JAK2: variants seen among roughly 807,000 people sequenced by gnomAD.
JAK2 encodes the protein Janus kinase 2.
A neutral mutation model predicts 139.3 loss-of-function variants in JAK2; 86 were observed. The ratio of observed to expected loss-of-function variants is 0.62; its 90% confidence interval spans 0.52 to 0.74. The LOEUF (loss-of-function observed/expected upper bound fraction) is 0.74. Ranked by LOEUF, JAK2 falls within the 30% of genes least tolerant of loss-of-function variation. JAK2 has a pLI of 0.00. For missense variants in JAK2, 1,421 were observed against 1,360.3 expected (o/e 1.04, Z -0.70); for synonymous variants, 490 against 437.7 (o/e 1.12, Z -1.49).
intron 22 of JAK2, among the ~76,000 whole-genome samples, chr9:5,107,726 A>G (rs1195560299): frequency 6.6e-6 from 1 of 152,146 alleles, no homozygotes; most frequent in East Asian, 1.9e-4. Context: ...TATCATCCCT[A>G]TGTGCCTAGA....
intron 4 of JAK2, among the ~76,000 whole-genome samples, chr9:5,031,771 G>A (rs937218430): frequency 1.3e-5 from 2 of 152,218 alleles, no homozygotes; most frequent in Non-Finnish European, 2.9e-5. Flanking sequence ...TGAAAAGGCA[G>A]GAGGGTGGAG....
At chr9:4,989,833 TAAG>T (rs1399556150) in intron 2 of JAK2, among the ~76,000 whole-genome samples, 10 of 152,292 alleles carry the variant, frequency 6.6e-5, no homozygotes, top group Non-Finnish European at 8.8e-5. Context: ...GAAAGAGTAG[TAAG>T]AAATTGTGTT....
chr9:5,080,111 C>T (rs952559052), intron 16 of JAK2, 118 bp from the exon 17 acceptor site: 1 of 821,420 alleles, frequency 1.2e-6, no homozygotes, highest in African/African-American at 1.7e-5. Context: ...CCAACCCCTC[C>T]AAAATAAAGA....
At chr9:5,004,490 A>G (rs1442384140) in intron 2 of JAK2, among the ~76,000 whole-genome samples, 1 of 152,068 alleles carries the variant, frequency 6.6e-6, no homozygotes, top group African/African-American at 2.4e-5. Flanking sequence ...AGGCTGAATT[A>G]TATTCTATTG....
At chr9:5,110,892 T>C (rs1357498761) in intron 22 of JAK2, 1 of 540,304 alleles carries the variant, frequency 1.9e-6, no homozygotes. Flanking sequence ...ATGTCTGAGA[T>C]GCCCGCTCTG....
At chr9:5,039,272 A>G (rs1181466944) in intron 4 of JAK2, among the ~76,000 whole-genome samples, 1 of 152,142 alleles carries the variant, frequency 6.6e-6, no homozygotes, top group Admixed American at 6.5e-5. Context: ...CCAACTGCAG[A>G]TTGAAAATAC....
chr9:5,020,392 A>G (rs1490337364), intron 2 of JAK2, among the ~76,000 whole-genome samples: 2 of 152,134 alleles, frequency 1.3e-5, no homozygotes, highest in African/African-American at 2.4e-5. Flanking sequence ...GCAGGGTGAG[A>G]GTATCCTCAG....
chr9:5,111,795 C>G (rs971456302), intron 22 of JAK2: 1 of 422,268 alleles, frequency 2.4e-6, no homozygotes, highest in Admixed American at 2.7e-5. Flanking sequence ...TTCTCCTTGG[C>G]CCCCGGAGCC....
At chr9:5,068,111 G>C (rs1045109183) in intron 10 of JAK2, among the ~76,000 whole-genome samples, 5 of 150,044 alleles carry the variant, frequency 3.3e-5, no homozygotes, top group Non-Finnish European at 7.4e-5. Context: ...AGTGAGTCAA[G>C]ATTGTGCCAC....
intron 7 of JAK2, among the ~76,000 whole-genome samples, chr9:5,055,162 C>T (rs1221919989): frequency 2.0e-5 from 3 of 151,808 alleles, no homozygotes; most frequent in African/African-American, 4.8e-5. Context: ...AGGAGTTTTG[C>T]CTTTCACTAC....
Position 5,032,069 on chromosome 9 carries a change from C to T in JAK2, c.350+2163C>T, listed in dbSNP as rs923371376. ...TCGGGTCACTCCCACTCTAATACTG[C>T]GCTATTCTAACGGTATTAGCAAATG... On this transcript the variant is annotated intron_variant, in intron 4 of 24. Coordinates refer to ENST00000381652, the MANE Select transcript of JAK2 (RefSeq NM_004972.4). Among the ~76,000 whole-genome samples the T allele has an allele frequency of 1.4e-4, 21 of 152,362 alleles. No individual in the cohort carries two copies. In the Middle Eastern group the frequency reaches 0.017, roughly 123 times the overall value.
intron 8 of JAK2, among the ~76,000 whole-genome samples, chr9:5,060,389 G>C (rs936542691): frequency 6.6e-6 from 1 of 152,148 alleles, no homozygotes; most frequent in Non-Finnish European, 1.5e-5. Context: ...ACCCACAGTA[G>C]AATTTCTTTA....
At chr9:5,111,341 G>C in intron 22 of JAK2, 1 of 423,362 alleles carries the variant, frequency 2.4e-6, no homozygotes, top group Non-Finnish European at 4.6e-6. Flanking sequence ...CAGGCATGAA[G>C]GGGACCTCCC....
At chr9:4,991,559 A>G (rs1444670545) in intron 2 of JAK2, among the ~76,000 whole-genome samples, 2 of 152,214 alleles carry the variant, frequency 1.3e-5, no homozygotes, top group Non-Finnish European at 2.9e-5. Flanking sequence ...AGTCTTGTCT[A>G]TTGAGGGAAT....
chr9:5,038,470 A>G (rs980094600), intron 4 of JAK2, among the ~76,000 whole-genome samples: 1 of 152,204 alleles, frequency 6.6e-6, no homozygotes, highest in African/African-American at 2.4e-5. Flanking sequence ...TGTCTAGAAG[A>G]AAAGAAAACT....
chr9:4,986,322 A>G (rs1243526359), intron 2 of JAK2, among the ~76,000 whole-genome samples: 1 of 152,232 alleles, frequency 6.6e-6, no homozygotes, highest in East Asian at 1.9e-4. Context: ...GAGATTCTTA[A>G]TCCTTTAAAG....
chr9:5,098,538 A>G (rs958606484), intron 22 of JAK2: 11 of 152,206 alleles, frequency 7.2e-5, no homozygotes, highest in African/African-American at 2.2e-4. Context: ...TGTTTGAACT[A>G]TCTTACCTGC....
rs1256899616 is a variant in JAK2 at position 5,022,038 on chromosome 9, T to G, written c.51T>G (p.Ser17=). Residue 17 remains serine, a synonymous_variant, in exon 3 of 25, where the codon TCT becomes TCG. Transcript: ENST00000381652. ...TMTEMEGTST[S]SIYQNGDISG... ...CAGAAATGGAGGGAACATCCACCTC[T>G]TCTATATATCAGAATGGTGATATTT... The G allele has an allele frequency of 1.2e-6, 2 of 1,614,204 alleles. No individual in the cohort carries two copies. Among genetic ancestry groups the G allele is most frequent in the African/African-American group, 2.7e-5 (2 of 75,062 alleles).
At chr9:5,112,593 T>C in intron 22 of JAK2, 1 of 773,900 alleles carries the variant, frequency 1.3e-6, no homozygotes. Flanking sequence ...AAGAGGGCTC[T>C]TAAGGAGCTG....
Sources: allele counts gnomAD v4.1 joint callset (sites outside exome capture counted in the v4.1 genomes callset), GRCh38; gene constraint gnomAD v4.1.1; transcripts MANE v1.5; gene names NCBI Gene and HGNC (gene_info 2026-07-23, HGNC 2026-07-21).